PRR36: variants seen among roughly 807,000 people sequenced by gnomAD.
PRR36 encodes proline rich 36, also known as proline-rich protein 36.
Under a neutral mutation model 58.6 loss-of-function variants are expected in PRR36, and 30 were observed. The observed-to-expected ratio is 0.51, with a 90% CI of 0.38 to 0.69. The LOEUF (loss-of-function observed/expected upper bound fraction) is 0.69, where lower values mean the gene tolerates loss of function less well. Among genes scored for constraint, PRR36 ranks in the 30% least tolerant of loss-of-function variants. PRR36 has a pLI of 0.00. For synonymous variants in PRR36, 771 were observed against 829.3 expected (o/e 0.93, Z 1.21); for missense variants, 1,692 against 1,805.6 (o/e 0.94, Z 1.14).
rs1470406188 is a variant in PRR36, at chr19:7,871,619, G to A, written c.1625C>T (p.Ser542Phe). 6.5e-7 allele frequency: 1 copy of A among 1,536,054 alleles called. No homozygotes were observed. The highest frequency in any genetic ancestry group is 1.2e-5 in the South Asian group (1 of 84,064). Reference protein sequence around the residue: ...QASPSPLTTVSLQDPPLVSPS... With the variant: ...QASPSPLTTVFLQDPPLVSPS... ...AGAAACTAGAGGAGGATCCTGCAGA[G>A]AGACTGTGGTCAAAGGAGAGGGAGA... Residue 542 changes from serine to phenylalanine, a missense_variant, in exon 5 of 6, where the codon TCT (serine) becomes TTT (phenylalanine). Ser to Phe is a radical substitution (Grantham distance 155). Transcript: ENST00000618550.
In PRR36 at chr19:7,873,095, A is replaced by G; in HGVS notation, c.374+102T>C. The G allele has an allele frequency of 7.5e-7, 1 of 1,334,946 alleles. No individual in the cohort carries two copies. The highest frequency in any genetic ancestry group is 1.0e-6 in the Non-Finnish European group (1 of 967,994). The allele number at this position is 1,334,946 out of a possible 1,614,324, so 82.7% of individuals were successfully genotyped here. ...GCTTTCACCCAATTTGTGCCCAGTG[A>G]CCTGCAAGTGCTCCCGCGCCCCAAC... On this transcript the variant is annotated intron_variant, in intron 3 of 5. Coordinates refer to ENST00000618550, the MANE Select transcript of PRR36 (RefSeq NM_001190467.2). The surrounding 1 kb of genome is among the most constrained non-coding windows in gnomAD (Gnocchi z 5.0).
Position 7,871,205 on chromosome 19 carries a change from C to G in PRR36, c.2039G>C (p.Ser680Thr). 6.6e-7 allele frequency: 1 copy of G among 1,518,714 alleles called. No individual in the cohort carries two copies. Among genetic ancestry groups the G allele is most frequent in the African/African-American group, 1.5e-5 (1 of 66,678 alleles). 94.1% of individuals were successfully genotyped at this position (1,518,714 alleles called of 1,614,324 possible). Reference protein sequence around the residue: ...TSLSPAVSPLSSPLTIHPLQA... With the variant: ...TSLSPAVSPLTSPLTIHPLQA... Reference sequence around the variant, plus strand: ...CAGAGGGTGTATGGTCAGGGGTGAGCTTAGGGGTGAGACAGCAGGAGAGAG... The same window carrying G: ...CAGAGGGTGTATGGTCAGGGGTGAGGTTAGGGGTGAGACAGCAGGAGAGAG... The change falls in exon 5 of 6, where the codon AGC becomes ACC. Residue 680 changes from serine (S) to threonine (T), a missense_variant. Around this residue, in one of 5 missense-constraint regions of PRR36, gnomAD observed 975 missense variants for 955.2 expected, o/e 1.02. Coordinates refer to ENST00000618550, the MANE Select transcript of PRR36 (RefSeq NM_001190467.2).
In PRR36 at chr19:7,873,509, G is replaced by C. The variant is rs1259744187; in HGVS notation, c.181C>G (p.Arg61Gly). ...GTGGCCCCGCCGATGCCCCCCGCTC[G>C]CTCTGCCAGAGGCTTTCGCCCCACT... Reference protein sequence around the residue: ...GAVGRKPLAERAGGIGGATIP... With the variant: ...GAVGRKPLAEGAGGIGGATIP... Residue 61 changes from arginine (R) to glycine (G), a missense_variant, in exon 2 of 6, where the codon CGA becomes GGA. Arg to Gly is a moderately radical substitution (Grantham distance 125). Transcript: ENST00000618550. The surrounding 1 kb of genome is among the most constrained non-coding windows in gnomAD (Gnocchi z 5.0). 6.5e-7 allele frequency: 1 copy of C among 1,535,468 alleles called. No individual in the cohort carries two copies. Among genetic ancestry groups the C allele is most frequent in the South Asian group, 1.2e-5 (1 of 84,036 alleles).
chr19:7,868,882 C>G lies in PRR36; in HGVS notation c.*151G>C, dbSNP rs1414429180. On this transcript the variant is annotated 3_prime_UTR_variant, in exon 6 of 6. Transcript: ENST00000618550. Reference sequence around the variant, plus strand: ...AAGCTGTGGGTAGGTCCCGAGCCTCCGAGGCCAAAGGCTCAGGCTCTAGGG... The same window carrying G: ...AAGCTGTGGGTAGGTCCCGAGCCTCGGAGGCCAAAGGCTCAGGCTCTAGGG... 2.1e-6 allele frequency: 2 copies of G among 947,834 alleles called. No individual in the cohort carries two copies. The highest frequency in any genetic ancestry group is 6.1e-5 in the East Asian group (2 of 32,856). 58.7% of individuals were successfully genotyped at this position (947,834 alleles called of 1,614,324 possible). A position where few individuals can be genotyped will look rare whatever the true frequency, so the allele number is the denominator to read the frequency against.
Position 7,871,498 on chromosome 19 carries a change from G to A in PRR36, c.1746C>T (p.Leu582=). ...TTPPMQAPPS[L]QTIPPIQVPH... ...GGACCTGTATTGGGGGAATGGTCTG[G>A]AGAGAGGGCGGGGCCTGCATAGGGG... is the stretch of plus-strand genomic sequence containing the variant. Residue 582 remains leucine (L), a synonymous_variant, in exon 5 of 6, where the codon CTC becomes CTT. Coordinates refer to ENST00000618550, the MANE Select transcript of PRR36 (RefSeq NM_001190467.2). 6.5e-7 allele frequency: 1 copy of A among 1,534,988 alleles called. No homozygotes were observed. The highest frequency in any genetic ancestry group is 1.4e-5 in the African/African-American group (1 of 72,824).
At position 7,869,763 on chromosome 19, in the gene PRR36, C is replaced by G. The variant is rs1387225151; in HGVS notation, c.3481G>C (p.Ala1161Pro). ...GGCGGAGCGGGGCCTCGACTCCAGG[C>G]AGCCGGGTGGCAAGCGGCGAGCTCT... ...DAELAACHPA[A>P]WSRGPAPPLA... Residue 1161 changes from alanine to proline, a missense_variant, in exon 5 of 6, where the codon GCC (alanine) becomes CCC (proline). Coordinates refer to ENST00000618550, the MANE Select transcript of PRR36 (RefSeq NM_001190467.2). The G allele has an allele frequency of 2.9e-6, 4 of 1,359,984 alleles. No individual in the cohort carries two copies. The highest frequency in any genetic ancestry group is 3.8e-6 in the Non-Finnish European group (4 of 1,062,800). The allele number at this position is 1,359,984 out of a possible 1,614,324, so 84.2% of individuals were successfully genotyped here. A position where few individuals can be genotyped will look rare whatever the true frequency, so the allele number is the denominator to read the frequency against.
At position 7,872,956 on chromosome 19, in the gene PRR36, C is replaced by T. The variant is rs1599591014; in HGVS notation, c.380G>A (p.Gly127Asp). 2 of 1,535,636 alleles carry T rather than the reference C, an allele frequency of 1.3e-6. No homozygotes were observed. Among genetic ancestry groups the T allele is most frequent in the African/African-American group, 2.7e-5 (2 of 73,042 alleles). ...CCGGAGTCCCTTCTGGCCAAGAGGG[C>T]CTGGCCTGGAGACAGAAGGGGCCAC... ...PGRASGTTRP[G>D]PLGQKGLRIS... The change falls in exon 4 of 6, where the codon GGC becomes GAC. Residue 127 changes from glycine (G) to aspartate (D), a missense_variant. Physicochemically the swap from Gly to Asp is moderately conservative, Grantham distance 94 (BLOSUM62 -1). This residue lies in a region of PRR36 where 975 missense variants were observed against 955.2 expected (regional missense o/e 1.02). Transcript: ENST00000618550. This position sits in a 1 kb window ranked among gnomAD's most constrained non-coding sequence, Gnocchi z 6.1.
chr19:7,872,556 C>G lies in PRR36; in HGVS notation c.688G>C (p.Ala230Pro). Residue 230 changes from alanine (A) to proline (P), a missense_variant, in exon 5 of 6, where the codon GCC becomes CCC. Ala to Pro is a conservative substitution (Grantham distance 27). Around this residue, in one of 5 missense-constraint regions of PRR36, gnomAD observed 975 missense variants for 955.2 expected, o/e 1.02. Coordinates refer to ENST00000618550, the MANE Select transcript of PRR36 (RefSeq NM_001190467.2). The surrounding 1 kb of genome is among the most constrained non-coding windows in gnomAD (Gnocchi z 6.1). The part of the protein sequence containing the change: ...PSPAARRRPS[A>P]GGGLQRPASR... Reference sequence around the variant, plus strand: ...GCCGGCCTCTGGAGACCCCCACCGGCGCTGGGCCGCCTCCTGGCAGCCGGG... The same window carrying G: ...GCCGGCCTCTGGAGACCCCCACCGGGGCTGGGCCGCCTCCTGGCAGCCGGG... 6.6e-7 allele frequency: 1 copy of G among 1,521,276 alleles called. No individual in the cohort carries two copies. The highest frequency in any genetic ancestry group is 1.2e-5 in the South Asian group (1 of 82,388). 94.2% of individuals were successfully genotyped at this position (1,521,276 alleles called of 1,614,324 possible). A position where few individuals can be genotyped will look rare whatever the true frequency, so the allele number is the denominator to read the frequency against.
chr19:7,872,514 A>G lies in PRR36; in HGVS notation c.730T>C (p.Ser244Pro). Reference protein sequence around the residue: ...LQRPASRSLSSSATPLSSPAR... With the variant: ...LQRPASRSLSPSATPLSSPAR... ...GGGGAGGAGAGAGGGGTGGCGCTGG[A>G]GCTCAGGGAGCGCGAGGCCGGCCTC... is the stretch of plus-strand genomic sequence containing the variant. The change falls in exon 5 of 6, where the codon TCC becomes CCC. Residue 244 changes from serine (S) to proline (P), a missense_variant. Ser to Pro is a moderately conservative substitution (Grantham distance 74). This residue lies in a region of PRR36 where 975 missense variants were observed against 955.2 expected (regional missense o/e 1.02). Transcript: ENST00000618550. This position sits in a 1 kb window ranked among gnomAD's most constrained non-coding sequence, Gnocchi z 6.1. 1 of 1,501,756 alleles carries G rather than the reference A, an allele frequency of 6.7e-7. No individual in the cohort carries two copies. Among genetic ancestry groups the G allele is most frequent in the Non-Finnish European group, 8.8e-7 (1 of 1,132,920 alleles). 93.0% of individuals were successfully genotyped at this position (1,501,756 alleles called of 1,614,324 possible). A position where few individuals can be genotyped will look rare whatever the true frequency, so the allele number is the denominator to read the frequency against.
At position 7,872,570 on chromosome 19, in the gene PRR36, C is replaced by G. The variant is rs1980515230; in HGVS notation, c.674G>C (p.Arg225Thr). Residue 225 changes from arginine to threonine, a missense_variant, in exon 5 of 6, where the codon AGG becomes ACG. By Grantham distance (71) the Arg-to-Thr change is moderately conservative. This residue lies in a region of PRR36 where 975 missense variants were observed against 955.2 expected (regional missense o/e 1.02). Transcript: ENST00000618550. This position sits in a 1 kb window ranked among gnomAD's most constrained non-coding sequence, Gnocchi z 6.1. ...ACCCCCACCGGCGCTGGGCCGCCTCCTGGCAGCCGGGCTTGGCTCGGTGGT... is the reference window on the plus strand; with the variant it reads ...ACCCCCACCGGCGCTGGGCCGCCTCGTGGCAGCCGGGCTTGGCTCGGTGGT... The part of the protein sequence containing the change: ...HSTTEPSPAA[R>T]RRPSAGGGLQ... 6.6e-7 allele frequency: 1 copy of G among 1,523,546 alleles called. No individual in the cohort carries two copies. The highest frequency in any genetic ancestry group is 8.8e-7 in the Non-Finnish European group (1 of 1,142,040). 94.4% of individuals were successfully genotyped at this position (1,523,546 alleles called of 1,614,324 possible).
In PRR36 at chr19:7,873,314, C is replaced by G. The variant is rs559358863; in HGVS notation, c.272-15G>C. ...GGGCCTGGAGGCTGCGGGGAGAAGGCCGAGTCACAGGTGCCCCGGAGAGGT... is the reference window on the plus strand; with the variant it reads ...GGGCCTGGAGGCTGCGGGGAGAAGGGCGAGTCACAGGTGCCCCGGAGAGGT... On this transcript the variant is annotated splice_polypyrimidine_tract_variant and intron_variant, in intron 2 of 5. Transcript: ENST00000618550. This position sits in a 1 kb window ranked among gnomAD's most constrained non-coding sequence, Gnocchi z 5.0. 5 of 1,528,186 alleles carry G rather than the reference C, an allele frequency of 3.3e-6. No individual in the cohort carries two copies. In the African/African-American group the frequency reaches 5.5e-5, roughly 17 times the overall value. 94.7% of individuals were successfully genotyped at this position (1,528,186 alleles called of 1,614,324 possible). A position where few individuals can be genotyped will look rare whatever the true frequency, so the allele number is the denominator to read the frequency against.
chr19:7,871,615 C>A lies in PRR36; in HGVS notation c.1629G>T (p.Leu543=), dbSNP rs1254699290. The change falls in exon 5 of 6, where the codon CTG becomes CTT. Residue 543 remains leucine (L), a synonymous_variant. Coordinates refer to ENST00000618550, the MANE Select transcript of PRR36 (RefSeq NM_001190467.2). Reference sequence around the variant, plus strand: ...AGGGAGAAACTAGAGGAGGATCCTGCAGAGAGACTGTGGTCAAAGGAGAGG... The same window carrying A: ...AGGGAGAAACTAGAGGAGGATCCTGAAGAGAGACTGTGGTCAAAGGAGAGG... ...ASPSPLTTVS[L]QDPPLVSPSL... 12 of 1,535,900 alleles carry A rather than the reference C, an allele frequency of 7.8e-6. No individual in the cohort carries two copies. Among genetic ancestry groups the A allele is most frequent in the African/African-American group, 1.4e-5 (1 of 73,064 alleles).
chr19:7,871,292 G>C lies in PRR36; in HGVS notation c.1952C>G (p.Pro651Arg). 2.0e-6 allele frequency: 3 copies of C among 1,526,362 alleles called. No homozygotes were observed. The highest frequency in any genetic ancestry group is 2.6e-6 in the Non-Finnish European group (3 of 1,141,626). 94.6% of individuals were successfully genotyped at this position (1,526,362 alleles called of 1,614,324 possible). A position where few individuals can be genotyped will look rare whatever the true frequency, so the allele number is the denominator to read the frequency against. Residue 651 changes from proline to arginine, a missense_variant, in exon 5 of 6, where the codon CCT becomes CGT. Around this residue, in one of 5 missense-constraint regions of PRR36, gnomAD observed 975 missense variants for 955.2 expected, o/e 1.02. Transcript: ENST00000618550. ...ISPSRPASTP[P>R]DSPPLQAPLS... ...AGGGGCCTGCAGAGGGGGTGAATCA[G>C]GGGGAGTAGAGGCCGGCCGAGAAGG...
chr19:7,869,541 G>A lies in PRR36; in HGVS notation c.3533C>T (p.Ala1178Val), dbSNP rs1209025508. Residue 1178 changes from alanine to valine, a missense_variant, in exon 6 of 6, where the codon GCG becomes GTG. Physicochemically the swap from Ala to Val is moderately conservative, Grantham distance 64 (BLOSUM62 0). This residue lies in a region of PRR36 where 485 missense variants were observed against 549.2 expected (regional missense o/e 0.88). Transcript: ENST00000618550. The stretch of plus-strand genomic sequence containing the variant: ...GGTAGCGGGAGGCCACGGCAGGGGC[G>A]CACCTGCGGGGAGAGACGCCAGGTG... ...PPLAFRGAPG[A>V]PLPWPPATGP... 2.0e-6 allele frequency: 3 copies of A among 1,517,134 alleles called. No individual in the cohort carries two copies. The highest frequency in any genetic ancestry group is 2.6e-6 in the Non-Finnish European group (3 of 1,138,688). The allele number at this position is 1,517,134 out of a possible 1,614,324, so 94.0% of individuals were successfully genotyped here. A position where few individuals can be genotyped will look rare whatever the true frequency, so the allele number is the denominator to read the frequency against.
Position 7,868,884 on chromosome 19 carries a change from A to G in PRR36, c.*149T>C, listed in dbSNP as rs73500086. The G allele has an allele frequency of 0.092, 87,642 of 951,278 alleles. 4,751 individuals carry two copies. Among genetic ancestry groups the G allele is most frequent in the African/African-American group, 0.19 (11,020 of 58,022 alleles). The allele number at this position is 951,278 out of a possible 1,614,324, so 58.9% of individuals were successfully genotyped here. On this transcript the variant is annotated 3_prime_UTR_variant, in exon 6 of 6. Transcript: ENST00000618550. ...GCTGTGGGTAGGTCCCGAGCCTCCG[A>G]GGCCAAAGGCTCAGGCTCTAGGGAG...
At position 7,870,304 on chromosome 19, in the gene PRR36, T is replaced by C; in HGVS notation, c.2940A>G (p.Pro980=). ...GCAGAGGAGGAGCGGCAAGAAGGGG[T>C]GGGACCCGTGGAGGGGGCGTGGCCG... ...SPSATPPPRV[P]PLLAAPPLQV... Residue 980 remains proline, a synonymous_variant, in exon 5 of 6, where the codon CCA becomes CCG. Coordinates refer to ENST00000618550, the MANE Select transcript of PRR36 (RefSeq NM_001190467.2). The C allele has an allele frequency of 3.0e-6, 3 of 988,234 alleles. No individual in the cohort carries two copies. Among genetic ancestry groups the C allele is most frequent in the Non-Finnish European group, 3.6e-6 (3 of 842,126 alleles). The allele number at this position is 988,234 out of a possible 1,614,324, so 61.2% of individuals were successfully genotyped here. A position where few individuals can be genotyped will look rare whatever the true frequency, so the allele number is the denominator to read the frequency against.
rs968535557 is a variant in PRR36 at position 7,871,614 on chromosome 19, G to T, written c.1630C>A (p.Gln544Lys). 6.5e-7 allele frequency: 1 copy of T among 1,535,928 alleles called. No individual in the cohort carries two copies. ...SPSPLTTVSL[Q>K]DPPLVSPSLL... Reference sequence around the variant, plus strand: ...GAGGGAGAAACTAGAGGAGGATCCTGCAGAGAGACTGTGGTCAAAGGAGAG... The same window carrying T: ...GAGGGAGAAACTAGAGGAGGATCCTTCAGAGAGACTGTGGTCAAAGGAGAG... Residue 544 changes from glutamine (Q) to lysine (K), a missense_variant, in exon 5 of 6, where the codon CAG becomes AAG. Coordinates refer to ENST00000618550, the MANE Select transcript of PRR36 (RefSeq NM_001190467.2).
chr19:7,869,019 G>T lies in PRR36; in HGVS notation c.*14C>A. On this transcript the variant is annotated 3_prime_UTR_variant, in exon 6 of 6. Coordinates refer to ENST00000618550, the MANE Select transcript of PRR36 (RefSeq NM_001190467.2). ...GGCAGGGGTGGGGTGTAGCAGGCGG[G>T]GCTGTGGTCTGGCTCAGTGGAAGGT... 1 of 1,500,096 alleles carries T rather than the reference G, an allele frequency of 6.7e-7. No homozygotes were observed. Among genetic ancestry groups the T allele is most frequent in the South Asian group, 1.2e-5 (1 of 80,072 alleles). 92.9% of individuals were successfully genotyped at this position (1,500,096 alleles called of 1,614,324 possible).
At position 7,870,882 on chromosome 19, in the gene PRR36, G is replaced by T; in HGVS notation, c.2362C>A (p.Pro788Thr). The change falls in exon 5 of 6, where the codon CCA becomes ACA. Residue 788 changes from proline to threonine, a missense_variant. Physicochemically the swap from Pro to Thr is conservative, Grantham distance 38. Around this residue, in one of 5 missense-constraint regions of PRR36, gnomAD observed 38 missense variants for 100.7 expected, o/e 0.38. Transcript: ENST00000618550. ...PHLETPPCPA[P>T]CPLQAPPSPL... The stretch of plus-strand genomic sequence containing the variant: ...GAAGGTGGTGCTTGCAGAGGGCATG[G>T]GGCTGGACAAGGTGGAGTCTCCAGA... 1 of 1,449,380 alleles carries T rather than the reference G, an allele frequency of 6.9e-7. No individual in the cohort carries two copies. The highest frequency in any genetic ancestry group is 1.4e-5 in the South Asian group (1 of 69,110). 89.8% of individuals were successfully genotyped at this position (1,449,380 alleles called of 1,614,324 possible). A position where few individuals can be genotyped will look rare whatever the true frequency, so the allele number is the denominator to read the frequency against.
Sources: allele counts gnomAD v4.1 joint callset, GRCh38; gene constraint gnomAD v4.1.1; regional missense constraint gnomAD v4.1.1; non-coding constraint Gnocchi (gnomAD v3.1); transcripts MANE v1.5; gene names NCBI Gene and HGNC (gene_info 2026-07-23, HGNC 2026-07-21).